The following DENND5A variants were observed in gnomAD, a reference collection of about 807,000 sequenced individuals.
DENND5A encodes the protein DENN domain-containing protein 5A.
In DENND5A, 64 loss-of-function variants were observed where a neutral mutation model predicts 140.3. The ratio of observed to expected loss-of-function variants is 0.46; its 90% CI spans 0.37 to 0.56. The LOEUF (loss-of-function observed/expected upper bound fraction) is 0.56. DENND5A is among the 20% of genes least tolerant of loss of function. DENND5A has a pLI of 0.00. For synonymous variants in DENND5A, 605 were observed against 607.7 expected (o/e 1.00, Z 0.07); for missense variants, 1,292 against 1,593.8 (o/e 0.81, Z 3.22).
chr11:9,234,300 T>C (rs920441245), intron 1 of DENND5A, among the ~76,000 whole-genome samples: 6 of 151,354 alleles, frequency 4.0e-5, no homozygotes, highest in African/African-American at 1.2e-4. Context: ...CAAACCTCAA[T>C]CTTTCCCACC....
At chr11:9,213,816 A>AAAAAAAAAAAG (rs1326114808) in intron 1 of DENND5A, among the ~76,000 whole-genome samples, 1 of 150,104 alleles carries the variant, frequency 6.7e-6, no homozygotes, top group African/African-American at 2.5e-5. Context: ...CCCAAAAAAA[A>AAAAAAAAAAAG]AAGAAGAAGA....
rs553914737 is a variant in DENND5A at position 9,201,136 on chromosome 11, AATAAAG to A, written c.949+2518_949+2523del. On this transcript the variant is annotated intron_variant, in intron 4 of 22. Transcript: ENST00000328194. ...CATTATGGTATAATGCCAATTAATA[AATAAAG>A]ATAAAGTTTGAAAACCACTATTCTG... 4.8e-3 allele frequency among the ~76,000 whole-genome samples: 737 copies of A among 152,294 alleles called. 2 individuals are homozygous for A. Among genetic ancestry groups the A allele is most frequent in the Non-Finnish European group, 8.4e-3 (572 of 68,024 alleles).
In DENND5A at chr11:9,170,642, C is replaced by T. The variant is rs1431645117; in HGVS notation, c.2042G>A (p.Gly681Glu). 1.2e-6 allele frequency: 2 copies of T among 1,613,596 alleles called. No individual in the cohort carries two copies. The highest frequency in any genetic ancestry group is 3.3e-5 in the Admixed American group (2 of 59,898). ...GTTGACTCACTTGTTGCTGGCTGGC[C>T]CAGTGGAAAGTACATCAGACTGCAG... The part of the protein sequence containing the change: ...PKLQSDVLST[G>E]PASNKWTKRN... Residue 681 changes from glycine to glutamate, a missense_variant, in exon 9 of 23, where the codon GGG (glycine) becomes GAG (glutamate). Physicochemically the swap from Gly to Glu is moderately conservative, Grantham distance 98. Coordinates refer to ENST00000328194, the MANE Select transcript of DENND5A (RefSeq NM_015213.4).
chr11:9,143,175 G>A (rs1847305068), intron 20 of DENND5A: 1 of 598,828 alleles, frequency 1.7e-6, no homozygotes, highest in African/African-American at 1.8e-5. Context: ...TAGGGGCCCA[G>A]GGACTCTATT....
At chr11:9,260,259 C>A (rs1488694903) in intron 1 of DENND5A, among the ~76,000 whole-genome samples, 2 of 151,968 alleles carry the variant, frequency 1.3e-5, no homozygotes. Flanking sequence ...GAGGAACTTA[C>A]AGATTCCAAG....
intron 15 of DENND5A, among the ~76,000 whole-genome samples, chr11:9,148,561 G>C (rs1847505839): frequency 6.6e-6 from 1 of 152,194 alleles, no homozygotes; most frequent in South Asian, 2.1e-4. Flanking sequence ...AGACAGGTGG[G>C]ACAGAGGTGA....
intron 4 of DENND5A, among the ~76,000 whole-genome samples, chr11:9,199,959 G>A (rs993626232): frequency 6.6e-6 from 1 of 152,170 alleles, no homozygotes; most frequent in Non-Finnish European, 1.5e-5. Flanking sequence ...GCAATATCCA[G>A]GAATTTCTGA....
intron 1 of DENND5A, among the ~76,000 whole-genome samples, chr11:9,247,041 A>G (rs2136283381): frequency 6.6e-6 from 1 of 152,270 alleles, no homozygotes; most frequent in African/African-American, 2.4e-5. Flanking sequence ...CCATCTGGCT[A>G]ACACGGTGAA....
intron 1 of DENND5A, among the ~76,000 whole-genome samples, chr11:9,249,293 C>T (rs370158682): frequency 2.8e-4 from 43 of 151,564 alleles, no homozygotes; most frequent in African/African-American, 8.2e-4. Context: ...CGTGTTGTAA[C>T]GAAAAAGCAT....
At chr11:9,229,007 A>G (rs1235622822) in intron 1 of DENND5A, among the ~76,000 whole-genome samples, 1 of 152,236 alleles carries the variant, frequency 6.6e-6, no homozygotes, top group Non-Finnish European at 1.5e-5. Context: ...CAGGTTGGTC[A>G]AAGTACAGAC....
chr11:9,209,886 A>C (rs1849816897), intron 1 of DENND5A, among the ~76,000 whole-genome samples: 1 of 152,260 alleles, frequency 6.6e-6, no homozygotes, highest in East Asian at 1.9e-4. Context: ...TGGGTGGATC[A>C]CTTGAGGTCA....
intron 11 of DENND5A, among the ~76,000 whole-genome samples, chr11:9,162,185 T>C (rs1277486728): frequency 6.6e-6 from 1 of 150,480 alleles, no homozygotes; most frequent in African/African-American, 2.4e-5. Flanking sequence ...AAATATATAA[T>C]ATATATATGC....
intron 4 of DENND5A, among the ~76,000 whole-genome samples, chr11:9,194,142 A>G (rs545113654): frequency 6.6e-6 from 1 of 152,344 alleles, no homozygotes; most frequent in African/African-American, 2.4e-5. Context: ...CTTTGCCTGC[A>G]AAGTCAAGCA....
Position 9,170,218 on chromosome 11 carries a change from C to T in DENND5A, c.2058-269G>A, listed in dbSNP as rs573057341. 8 of 927,904 alleles carry T rather than the reference C, an allele frequency of 8.6e-6. No individual in the cohort carries two copies. In the African/African-American group the frequency reaches 1.2e-4, roughly 14 times the overall value. 57.5% of individuals were successfully genotyped at this position (927,904 alleles called of 1,614,324 possible). On this transcript the variant is annotated intron_variant, in intron 9 of 22. Transcript: ENST00000328194. ...GATCTAAAACTATATTCACTTAACT[C>T]TATCTGGGCTTTGATACAGTCATCT...
intron 11 of DENND5A, among the ~76,000 whole-genome samples, chr11:9,162,560 G>T (rs1036117717): frequency 2.0e-5 from 3 of 151,904 alleles, no homozygotes; most frequent in Non-Finnish European, 4.4e-5. Context: ...TATAAATACT[G>T]TCTGTTTATA....
intron 1 of DENND5A, among the ~76,000 whole-genome samples, chr11:9,263,509 C>T (rs767205674): frequency 4.7e-5 from 7 of 149,010 alleles, no homozygotes; most frequent in Non-Finnish European, 8.9e-5. Context: ...CCTGAGCCGC[C>T]GGGTGGTGGG....
intron 13 of DENND5A, among the ~76,000 whole-genome samples, chr11:9,150,999 T>C (rs756951507): frequency 4.6e-5 from 7 of 152,222 alleles, no homozygotes; most frequent in Non-Finnish European, 8.8e-5. Context: ...AAAAAAGATA[T>C]CACAATTTCC....
chr11:9,239,335 C>CA (rs1851137567), intron 1 of DENND5A, among the ~76,000 whole-genome samples: 1 of 121,300 alleles, frequency 8.2e-6, no homozygotes, highest in Non-Finnish European at 1.7e-5. Flanking sequence ...CCTGGCTAAA[C>CA]TTTTTTTTTT....
intron 1 of DENND5A, among the ~76,000 whole-genome samples, chr11:9,241,821 C>T (rs1301320662): frequency 6.6e-6 from 1 of 151,970 alleles, no homozygotes; most frequent in East Asian, 1.9e-4. Flanking sequence ...TCAATACCAG[C>T]CTGATAAATG....
Sources: allele counts gnomAD v4.1 joint callset (sites outside exome capture counted in the v4.1 genomes callset), GRCh38; gene constraint gnomAD v4.1.1; transcripts MANE v1.5; gene names NCBI Gene and HGNC (gene_info 2026-07-23, HGNC 2026-07-21).